Variants in NEDD4L observed in about 807,000 individuals in gnomAD.
NEDD4L encodes the protein NEDD4 like E3 ubiquitin protein ligase, also known as E3 ubiquitin-protein ligase NEDD4-like.
NEDD4L carries 54 observed loss-of-function variants against 148.9 expected under a neutral mutation model. That is an observed-to-expected ratio of 0.36 (90% confidence interval 0.29 to 0.45). The LOEUF (loss-of-function observed/expected upper bound fraction) is 0.45, where lower values mean the gene tolerates loss of function less well. NEDD4L is among the 20% of genes least tolerant of loss of function. NEDD4L has a pLI of 1.00. For synonymous variants in NEDD4L, 433 were observed against 440.7 expected (o/e 0.98, Z 0.22); for missense variants, 856 against 1,233.8 (o/e 0.69, Z 4.59).
At chr18:58,264,440 T>A (rs17231892) in intron 5 of NEDD4L, among the ~76,000 whole-genome samples, 35,498 of 151,940 alleles carry the variant, frequency 0.23, 4,886 homozygotes, top group African/African-American at 0.35. Flanking sequence ...GAAATTATGC[T>A]GGCCAGTTCC....
chr18:58,122,016 T>A (rs2030002470), intron 1 of NEDD4L, among the ~76,000 whole-genome samples: 1 of 152,254 alleles, frequency 6.6e-6, no homozygotes, highest in Admixed American at 6.5e-5. Context: ...TTCAACTCGT[T>A]CTGCTCAGAG....
At chr18:58,252,995 A>G (rs1229468975) in intron 5 of NEDD4L, among the ~76,000 whole-genome samples, 1 of 152,268 alleles carries the variant, frequency 6.6e-6, no homozygotes, top group East Asian at 1.9e-4. Flanking sequence ...TATCATGTTA[A>G]GTCCTTAAGG....
At chr18:58,302,423 A>G (rs555007120) in intron 5 of NEDD4L, among the ~76,000 whole-genome samples, 12 of 152,254 alleles carry the variant, frequency 7.9e-5, no homozygotes, top group Admixed American at 2.6e-4. Context: ...AAGCTCGTTC[A>G]TATACTTTGT....
At chr18:58,251,037 G>A (rs1382238025) in intron 4 of NEDD4L, among the ~76,000 whole-genome samples, 1 of 152,182 alleles carries the variant, frequency 6.6e-6, no homozygotes, top group Non-Finnish European at 1.5e-5. Flanking sequence ...TCTGGAGACA[G>A]GCAGCATAGA....
chr18:58,100,144 C>T (rs542432495), intron 1 of NEDD4L, among the ~76,000 whole-genome samples: 1 of 152,250 alleles, frequency 6.6e-6, no homozygotes, highest in African/African-American at 2.4e-5. Context: ...CTGCCTGCTG[C>T]TGTGGGCTCA....
intron 1 of NEDD4L, among the ~76,000 whole-genome samples, chr18:58,153,358 A>G (rs1212099505): frequency 6.8e-6 from 1 of 146,774 alleles, no homozygotes; most frequent in Non-Finnish European, 1.5e-5. Flanking sequence ...TTTTTTTTTA[A>G]AGACAGAGTC....
At chr18:58,104,840 C>T (rs2084969790) in intron 1 of NEDD4L, among the ~76,000 whole-genome samples, 1 of 152,104 alleles carries the variant, frequency 6.6e-6, no homozygotes, top group Non-Finnish European at 1.5e-5. Flanking sequence ...ATGTATTTCA[C>T]TACACCCCCG....
rs2050794874 is a variant in NEDD4L at position 58,400,731 on chromosome 18, C to T, written c.*4462C>T. ...CTGCATTCTCAACCCCGTACCAGTGCATCATCAGAAGCCTTCCTCGTGACC... is the reference window on the plus strand; with the variant it reads ...CTGCATTCTCAACCCCGTACCAGTGTATCATCAGAAGCCTTCCTCGTGACC... On this transcript the variant is annotated 3_prime_UTR_variant, in exon 31 of 31. Transcript: ENST00000400345. The T allele has an allele frequency of 2.0e-5, 3 of 152,198 alleles. No individual in the cohort carries two copies. The highest frequency in any genetic ancestry group is 2.1e-4 in the South Asian group (1 of 4,826). The allele number at this position is 152,198 out of a possible 1,614,324, so 9.4% of individuals were successfully genotyped here. A position where few individuals can be genotyped will look rare whatever the true frequency, so the allele number is the denominator to read the frequency against.
chr18:58,123,392 G>T (rs750707099), intron 1 of NEDD4L, among the ~76,000 whole-genome samples: 1 of 152,086 alleles, frequency 6.6e-6, no homozygotes, highest in Admixed American at 6.5e-5. Context: ...TGGAAATCCC[G>T]GGCTTTGCCA....
intron 4 of NEDD4L, 52 bp from the exon 5 acceptor site, chr18:58,251,949 C>T: frequency 1.0e-6 from 1 of 978,888 alleles, no homozygotes; most frequent in South Asian, 1.3e-5. Flanking sequence ...CCTTACGTCG[C>T]TGTTCAAATG....
chr18:58,089,841 C>CTTTTT (rs759472299), intron 1 of NEDD4L, among the ~76,000 whole-genome samples: 1 of 137,938 alleles, frequency 7.2e-6, no homozygotes, highest in Non-Finnish European at 1.6e-5. Context: ...CTTCCTTTTC[C>CTTTTT]TTTTTTTTTT....
At chr18:58,051,672 GA>G (rs1241151059) in intron 1 of NEDD4L, among the ~76,000 whole-genome samples, 2 of 152,194 alleles carry the variant, frequency 1.3e-5, no homozygotes, top group Non-Finnish European at 2.9e-5. Context: ...GTGAAAAAAA[GA>G]GATCCTAACT....
intron 1 of NEDD4L, among the ~76,000 whole-genome samples, chr18:58,052,702 A>G (rs2081930812): frequency 1.3e-5 from 2 of 151,074 alleles, no homozygotes. Flanking sequence ...ATGGTGGCTC[A>G]TGCCTATAAT....
At chr18:58,358,691 A>G (rs2045060648) in intron 19 of NEDD4L, among the ~76,000 whole-genome samples, 3 of 152,122 alleles carry the variant, frequency 2.0e-5, no homozygotes, top group Admixed American at 2.0e-4. Flanking sequence ...ATTATTCATT[A>G]TATTGCTTTC....
At chr18:58,072,800 A>G (rs1170470203) in intron 1 of NEDD4L, among the ~76,000 whole-genome samples, 1 of 152,152 alleles carries the variant, frequency 6.6e-6, no homozygotes, top group Non-Finnish European at 1.5e-5. Flanking sequence ...ATAGAACTAT[A>G]ACTAGAAAAG....
chr18:58,372,976 C>T (rs1435359002), intron 23 of NEDD4L, 198 bp from the exon 24 acceptor site: 6 of 516,106 alleles, frequency 1.2e-5, no homozygotes, highest in African/African-American at 3.9e-5. Flanking sequence ...TAACTGCAAG[C>T]TCATTACAAC....
intron 2 of NEDD4L, among the ~76,000 whole-genome samples, chr18:58,203,819 T>G (rs1293348573): frequency 1.3e-5 from 2 of 152,142 alleles, no homozygotes; most frequent in African/African-American, 4.8e-5. Flanking sequence ...CCTAAAAACT[T>G]GTAGCATTTG....
chr18:58,089,126 A>ATTTTTTTTT (rs570623396), intron 1 of NEDD4L, among the ~76,000 whole-genome samples: 16 of 100,968 alleles, frequency 1.6e-4, no homozygotes, highest in African/African-American at 3.2e-4. Flanking sequence ...TTATTTCATA[A>ATTTTTTTTT]TTTTTTTTTT....
chr18:58,112,360 CTTTATTTA>C (rs199799632), intron 1 of NEDD4L, among the ~76,000 whole-genome samples: 19,863 of 143,492 alleles, frequency 0.14, 1,480 homozygotes, highest in African/African-American at 0.19. Context: ...TCCTATTTGT[CTTTATTTA>C]TTTATTTATT....
Sources: gnomAD v4.1 joint callset for allele counts (sites outside exome capture counted in the v4.1 genomes callset) on GRCh38, gnomAD v4.1.1 for gene constraint, MANE v1.5 for transcripts, NCBI Gene and HGNC (gene_info 2026-07-23, HGNC 2026-07-21) for gene names.